Variants in WAC observed in about 807,000 individuals in gnomAD.
WAC encodes WW domain containing adaptor with coiled-coil, also known as WW domain-containing adapter protein with coiled-coil.
In WAC, 11 loss-of-function variants were observed where a neutral mutation model predicts 79.6. The ratio of observed to expected loss-of-function variants is 0.14; its 90% CI spans 0.09 to 0.23. The LOEUF is 0.23. Among genes scored for constraint, WAC ranks in the 10% least tolerant of loss-of-function variants. The pLI is 1.00. For synonymous variants in WAC, 304 were observed against 276.9 expected (o/e 1.10, Z -0.97); for missense variants, 728 against 773.5 (o/e 0.94, Z 0.70).
rs143772149 is a variant in WAC, at chr10:28,541,415, G to GTTTTTTTTTTTTTTTTTTTTTTTT, written c.274+5662_274+5663insTTTTTTTTTTTTTTTTTTTTTTTT. Among the ~76,000 whole-genome samples, 8 of 37,904 alleles carry GTTTTTTTTTTTTTTTTTTTTTTTT rather than the reference G, an allele frequency of 2.1e-4. 4 individuals are homozygous for GTTTTTTTTTTTTTTTTTTTTTTTT. The highest frequency in any genetic ancestry group is 1.7e-4 in the Non-Finnish European group (4 of 23,614). 24.9% of individuals were successfully genotyped at this position (37,904 alleles called of 152,430 possible). ...TTTTTGTGGGGTTGTGTGTGTGTGT[G>GTTTTTTTTTTTTTTTTTTTTTTTT]TTTTGTTTTTTTTTTTTTTTTTTTT... On this transcript the variant is annotated intron_variant, in intron 3 of 13. Coordinates refer to ENST00000354911, the MANE Select transcript of WAC (RefSeq NM_016628.5).
chr10:28,565,265 T>C (rs926678831), intron 3 of WAC, among the ~76,000 whole-genome samples: 12 of 152,346 alleles, frequency 7.9e-5, no homozygotes, highest in Middle Eastern at 3.4e-3. Context: ...ACAGCTCTTA[T>C]AACATTCATG....
At position 28,595,743 on chromosome 10, in the gene WAC, G is replaced by A. The variant is rs749414443; in HGVS notation, c.621G>A (p.Lys207=). Residue 207 remains lysine, a synonymous_variant, in exon 7 of 14, where the codon AAG becomes AAA. Transcript: ENST00000354911. ...AACTGTGAACTAAAGTGGAAGACAAGCATTCCAGTGATGCCAGTAGTTTGC... is the reference window on the plus strand; with the variant it reads ...AACTGTGAACTAAAGTGGAAGACAAACATTCCAGTGATGCCAGTAGTTTGC... ...TSGFASGMED[K]HSSDASSLLP... 1 of 1,612,292 alleles carries A rather than the reference G, an allele frequency of 6.2e-7. No homozygotes were observed. The highest frequency in any genetic ancestry group is 1.1e-5 in the South Asian group (1 of 91,042).
intron 7 of WAC, among the ~76,000 whole-genome samples, chr10:28,598,673 T>TA (rs890311922): frequency 9.2e-5 from 14 of 152,356 alleles, no homozygotes; most frequent in African/African-American, 3.4e-4. Flanking sequence ...CGTGTGGTGT[T>TA]AGAGGCAGCT....
chr10:28,549,475 C>T (rs926550099), intron 3 of WAC, among the ~76,000 whole-genome samples: 2 of 152,134 alleles, frequency 1.3e-5, no homozygotes, highest in Non-Finnish European at 2.9e-5. Context: ...ATTCCCTGTC[C>T]TGATTAATGC....
intron 3 of WAC, among the ~76,000 whole-genome samples, chr10:28,537,306 A>G (rs778381718): frequency 1.3e-5 from 2 of 152,168 alleles, no homozygotes; most frequent in Non-Finnish European, 2.9e-5. Context: ...GTATTATGTA[A>G]AGCCTGAGAT....
intron 12 of WAC, 108 bp from the exon 13 acceptor site, chr10:28,617,549 A>G: frequency 3.8e-6 from 4 of 1,039,842 alleles, no homozygotes; most frequent in Non-Finnish European, 5.2e-6. Context: ...TTGAAGGGAA[A>G]AGGATTATTC....
chr10:28,577,506 G>T (rs747608835), intron 3 of WAC, among the ~76,000 whole-genome samples: 2 of 152,084 alleles, frequency 1.3e-5, no homozygotes, highest in Non-Finnish European at 2.9e-5. Context: ...TTTTCAAGGC[G>T]AACATTTATC....
chr10:28,532,961 G>A (rs1236138596), upstream of WAC: 1 of 153,276 alleles, frequency 6.5e-6, no homozygotes, highest in Non-Finnish European at 1.5e-5. Context: ...TGGTCGCGAA[G>A]AGAAGATCCA....
intron 7 of WAC, among the ~76,000 whole-genome samples, chr10:28,606,570 T>C (rs887234337): frequency 2.0e-5 from 3 of 152,218 alleles, no homozygotes; most frequent in South Asian, 2.1e-4. Context: ...ATCCACACTT[T>C]AGAGAGCTAT....
rs1253321595 is a variant in WAC, at chr10:28,617,480, G to C, written c.1747-177G>C. Among the ~76,000 whole-genome samples, 8 of 152,306 alleles carry C rather than the reference G, an allele frequency of 5.3e-5. No individual in the cohort carries two copies. In the South Asian group the frequency reaches 1.0e-3, roughly 20 times the overall value. ...TTAAAATAAGTACCTTCCACCCTTA[G>C]AGACAGTTTCTTAAAACAAATTAAT... On this transcript the variant is annotated intron_variant, in intron 12 of 13. Coordinates refer to ENST00000354911, the MANE Select transcript of WAC (RefSeq NM_016628.5).
chr10:28,608,605 T>C, intron 8 of WAC, 174 bp downstream of exon 8: 1 of 660,424 alleles, frequency 1.5e-6, no homozygotes, highest in Non-Finnish European at 2.5e-6. Context: ...CACTGTAGTT[T>C]AAGACCATTG....
At chr10:28,564,425 A>G (rs567923120) in intron 3 of WAC, among the ~76,000 whole-genome samples, 2 of 152,344 alleles carry the variant, frequency 1.3e-5, no homozygotes, top group Non-Finnish European at 2.9e-5. Flanking sequence ...AGAGAAGGCC[A>G]TGGTGGTTAG....
At chr10:28,586,645 G>A (rs566602609) in intron 4 of WAC, among the ~76,000 whole-genome samples, 7 of 152,060 alleles carry the variant, frequency 4.6e-5, no homozygotes, top group South Asian at 2.1e-4. Flanking sequence ...CTATGGTTGC[G>A]CCACTGCACC....
chr10:28,546,064 T>C (rs1418308690), intron 3 of WAC, among the ~76,000 whole-genome samples: 1 of 152,240 alleles, frequency 6.6e-6, no homozygotes, highest in African/African-American at 2.4e-5. Context: ...AAAGGAAATT[T>C]AGAATGTATG....
intron 3 of WAC, among the ~76,000 whole-genome samples, chr10:28,541,359 CTCAT>C (rs2132347499): frequency 6.9e-6 from 1 of 145,940 alleles, no homozygotes; most frequent in Admixed American, 6.9e-5. Context: ...CTAGATATAA[CTCAT>C]TGTCAATTTG....
At chr10:28,561,752 G>A (rs911787206) in intron 3 of WAC, among the ~76,000 whole-genome samples, 3 of 152,128 alleles carry the variant, frequency 2.0e-5, no homozygotes, top group African/African-American at 4.8e-5. Context: ...CATTGGAGCC[G>A]GAGTTCCGCC....
intron 10 of WAC, among the ~76,000 whole-genome samples, chr10:28,613,092 C>G (rs1297276540): frequency 6.6e-6 from 1 of 152,030 alleles, no homozygotes; most frequent in Non-Finnish European, 1.5e-5. Flanking sequence ...TAGCAAGACC[C>G]CATCTCTACA....
chr10:28,541,413 G>GTTTTT lies in WAC; in HGVS notation c.274+5657_274+5658insTTTTT, dbSNP rs1435952488. Among the ~76,000 whole-genome samples the GTTTTT allele has an allele frequency of 4.1e-4, 21 of 50,754 alleles. 1 individual carries two copies. Among genetic ancestry groups the GTTTTT allele is most frequent in the Non-Finnish European group, 8.9e-4 (21 of 23,714 alleles). 33.3% of individuals were successfully genotyped at this position (50,754 alleles called of 152,430 possible). On this transcript the variant is annotated intron_variant, in intron 3 of 13. Coordinates refer to ENST00000354911, the MANE Select transcript of WAC (RefSeq NM_016628.5). ...AATTTTTGTGGGGTTGTGTGTGTGTGTGTTTTGTTTTTTTTTTTTTTTTTT... is the reference window on the plus strand; with the variant it reads ...AATTTTTGTGGGGTTGTGTGTGTGTGTTTTTTGTTTTGTTTTTTTTTTTTTTTTTT...
intron 3 of WAC, among the ~76,000 whole-genome samples, chr10:28,560,058 A>G (rs1838217851): frequency 6.6e-6 from 1 of 152,174 alleles, no homozygotes; most frequent in East Asian, 1.9e-4. Flanking sequence ...AACGAAGAAT[A>G]AGGCCAGGCG....
Sources: gnomAD v4.1 joint callset for allele counts (sites outside exome capture counted in the v4.1 genomes callset) on GRCh38, gnomAD v4.1.1 for gene constraint, MANE v1.5 for transcripts, NCBI Gene and HGNC (gene_info 2026-07-23, HGNC 2026-07-21) for gene names.